BCAS3: variants seen among roughly 807,000 people sequenced by gnomAD.
BCAS3 encodes the protein BCAS3 microtubule associated cell migration factor, also known as BCAS4/BCAS3 fusion.
In BCAS3, 53 loss-of-function variants were observed where a neutral mutation model predicts 116.1. The ratio of observed to expected loss-of-function variants is 0.46; its 90% CI spans 0.37 to 0.57. The LOEUF (loss-of-function observed/expected upper bound fraction) is 0.57, where lower values mean the gene tolerates loss of function less well. Ranked by LOEUF, BCAS3 falls within the 20% of genes least tolerant of loss-of-function variation. The pLI, the probability that BCAS3 is intolerant of heterozygous loss-of-function variation, is 0.00. For missense variants in BCAS3, 917 were observed against 1,165.4 expected, an observed-to-expected ratio of 0.79 and a Z score of 3.10; for synonymous variants, 391 against 408.2, an observed-to-expected ratio of 0.96 and a Z score of 0.51.
chr17:61,050,202 C>G (rs1482246092), intron 19 of BCAS3, among the ~76,000 whole-genome samples: 1 of 151,842 alleles, frequency 6.6e-6, no homozygotes, highest in African/African-American at 2.4e-5. Context: ...GTCCTTAAAA[C>G]AGAAGAAAAC....
intron 7 of BCAS3, among the ~76,000 whole-genome samples, chr17:60,809,855 C>T (rs1487095814): frequency 1.3e-5 from 2 of 151,998 alleles, no homozygotes; most frequent in African/African-American, 4.8e-5. Context: ...TAGTTGGCTG[C>T]CCACTAAGAT....
In BCAS3 at chr17:60,823,063, A is replaced by C. The variant is rs2050094057; in HGVS notation, c.476+14987A>C. On this transcript the variant is annotated intron_variant, in intron 7 of 23. Transcript: ENST00000407086. ...GAGAAATAAAGTGATTATTCACTTG[A>C]GCCAGTATGGTTTCTAGTGGTTTCT... Among the ~76,000 whole-genome samples, 3 of 152,206 alleles carry C rather than the reference A, an allele frequency of 2.0e-5. No individual in the cohort carries two copies. In the South Asian group the frequency reaches 6.2e-4, roughly 32 times the overall value.
chr17:60,975,329 A>G (rs547682583), intron 14 of BCAS3, among the ~76,000 whole-genome samples: 18 of 152,152 alleles, frequency 1.2e-4, no homozygotes, highest in Non-Finnish European at 2.2e-4. Flanking sequence ...CCAACCCCAG[A>G]TGTGAAATGA....
At chr17:61,163,998 AAAAAAAAAAAACC>A (rs967062802) in intron 22 of BCAS3, among the ~76,000 whole-genome samples, 34 of 2,442 alleles carry the variant, frequency 0.014, no homozygotes, top group South Asian at 0.05. Context: ...ACTCCATCTC[AAAAAAAAAAAACC>A]AAAAAAAAAA....
chr17:60,729,881 C>T (rs894739981), intron 5 of BCAS3, among the ~76,000 whole-genome samples: 11 of 152,228 alleles, frequency 7.2e-5, no homozygotes, highest in South Asian at 2.1e-4. Flanking sequence ...GCCGCTAGGC[C>T]GACACTCTCT....
rs2081622129 is a variant in BCAS3 at position 61,214,013 on chromosome 17, G to A, written c.2425+129449G>A. Among the ~76,000 whole-genome samples the A allele has an allele frequency of 6.6e-6, 1 of 152,090 alleles. No homozygotes were observed. The highest frequency in any genetic ancestry group is 1.5e-5 in the Non-Finnish European group (1 of 68,016). ...AAATGGGGGCTTCACTGCACAGTAGGCTGGAGATTCTACCTAACCTCACAG... is the reference window on the plus strand; with the variant it reads ...AAATGGGGGCTTCACTGCACAGTAGACTGGAGATTCTACCTAACCTCACAG... On this transcript the variant is annotated intron_variant, in intron 22 of 23. Transcript: ENST00000407086. This position sits in a 1 kb window ranked among gnomAD's most constrained non-coding sequence, Gnocchi z 4.4.
At chr17:60,887,601 G>GA (rs2144988681) in intron 9 of BCAS3, among the ~76,000 whole-genome samples, 1 of 152,264 alleles carries the variant, frequency 6.6e-6, no homozygotes, top group South Asian at 2.1e-4. Context: ...ACCGTTTGTT[G>GA]AAAAGACTTC....
In BCAS3 at chr17:61,307,899, C is replaced by T. The variant is rs189554882; in HGVS notation, c.2426-60428C>T. ...TACAGATCTAACACAAATAATGTTA[C>T]GTGAGCAACCCCAAACAGTATACAC... On this transcript the variant is annotated intron_variant, in intron 22 of 23. Transcript: ENST00000407086. The surrounding 1 kb of genome is among the most constrained non-coding windows in gnomAD (Gnocchi z 4.7). Among the ~76,000 whole-genome samples, 305 of 152,086 alleles carry T rather than the reference C, an allele frequency of 2.0e-3. No homozygotes were observed. In the Middle Eastern group the frequency reaches 0.027, roughly 14 times the overall value.
chr17:61,152,123 G>C (rs1313770155), intron 22 of BCAS3, among the ~76,000 whole-genome samples: 2 of 152,218 alleles, frequency 1.3e-5, no homozygotes, highest in Admixed American at 1.3e-4. Context: ...CGGACCCAAA[G>C]AGTGAGCAGT....
intron 6 of BCAS3, among the ~76,000 whole-genome samples, chr17:60,792,047 C>G (rs1306041872): frequency 6.6e-6 from 1 of 152,092 alleles, no homozygotes; most frequent in African/African-American, 2.4e-5. Context: ...TGCTTGAACC[C>G]GGGAGGTGGA....
At chr17:60,927,838 A>G (rs1377808614) in intron 13 of BCAS3, among the ~76,000 whole-genome samples, 4 of 152,126 alleles carry the variant, frequency 2.6e-5, no homozygotes, top group Admixed American at 2.6e-4. Flanking sequence ...TTATGCTTCA[A>G]AATTATGATA....
chr17:60,941,738 T>C (rs1403657002), intron 13 of BCAS3, among the ~76,000 whole-genome samples: 1 of 152,180 alleles, frequency 6.6e-6, no homozygotes, highest in Admixed American at 6.5e-5. Context: ...TAAACAGAGA[T>C]GAATGCCAGT....
intron 19 of BCAS3, among the ~76,000 whole-genome samples, chr17:61,045,054 C>T (rs1441665244): frequency 2.0e-5 from 3 of 151,948 alleles, no homozygotes; most frequent in Non-Finnish European, 4.4e-5. Context: ...AGCCACTGTG[C>T]CCAGCATAAA....
intron 13 of BCAS3, among the ~76,000 whole-genome samples, chr17:60,944,171 A>G (rs1210802388): frequency 6.6e-6 from 1 of 151,996 alleles, no homozygotes; most frequent in African/African-American, 2.4e-5. Context: ...AGAAAAACAG[A>G]AAGTTATGAA....
chr17:61,301,545 G>C (rs562361099), intron 22 of BCAS3, among the ~76,000 whole-genome samples: 187 of 152,228 alleles, frequency 1.2e-3, no homozygotes, highest in African/African-American at 4.2e-3. Flanking sequence ...GCTGGGTCAG[G>C]AGAATCGCTT....
intron 10 of BCAS3, among the ~76,000 whole-genome samples, chr17:60,890,213 G>T (rs2057042502): frequency 6.6e-6 from 1 of 152,200 alleles, no homozygotes; most frequent in Non-Finnish European, 1.5e-5. Context: ...CAGCACTTTG[G>T]GAGGCTGAGG....
intron 22 of BCAS3, among the ~76,000 whole-genome samples, chr17:61,147,119 A>G (rs1211553166): frequency 6.6e-6 from 1 of 151,246 alleles, no homozygotes; most frequent in Admixed American, 6.6e-5. Flanking sequence ...CTGCTGCCCA[A>G]GCTGGAGTGC....
chr17:60,795,572 T>G (rs2144561540), intron 6 of BCAS3, among the ~76,000 whole-genome samples: 1 of 152,316 alleles, frequency 6.6e-6, no homozygotes, highest in Middle Eastern at 3.4e-3. Context: ...TTGGCTTTTA[T>G]TACATTAAGG....
chr17:60,936,477 A>C (rs1428168993), intron 13 of BCAS3, among the ~76,000 whole-genome samples: 7 of 152,114 alleles, frequency 4.6e-5, no homozygotes, highest in Non-Finnish European at 7.4e-5. Context: ...TCCCACCAAC[A>C]GTGTAAAAGT....
Sources: gnomAD v4.1 joint callset for allele counts (sites outside exome capture counted in the v4.1 genomes callset) on GRCh38, gnomAD v4.1.1 for gene constraint, Gnocchi (gnomAD v3.1) non-coding constraint, MANE v1.5 for transcripts, NCBI Gene and HGNC (gene_info 2026-07-23, HGNC 2026-07-21) for gene names.